The following DPYSL4 variants were observed in gnomAD, a reference collection of about 807,000 sequenced individuals.
DPYSL4 encodes the protein dihydropyrimidinase-related protein 4.
DPYSL4 carries 43 observed loss-of-function variants against 63.4 expected under a neutral mutation model. That is an observed-to-expected ratio of 0.68 (90% CI 0.53 to 0.88). The LOEUF (loss-of-function observed/expected upper bound fraction) is 0.88, where lower values mean the gene tolerates loss of function less well. Among genes scored for constraint, DPYSL4 ranks in the 40% least tolerant of loss-of-function variants. The pLI, the probability that DPYSL4 is intolerant of heterozygous loss-of-function variation, is 0.00. For missense variants in DPYSL4, 733 were observed against 819.5 expected (o/e 0.89, Z 1.29); for synonymous variants, 353 against 331.7 (o/e 1.06, Z -0.70).
intron 3 of DPYSL4, among the ~76,000 whole-genome samples, chr10:132,193,900 G>T (rs2061908103): frequency 6.6e-6 from 1 of 152,244 alleles, no homozygotes; most frequent in African/African-American, 2.4e-5. Context: ...GCCACAAAGG[G>T]AGAAAACACC....
Position 132,203,936 on chromosome 10 carries a change from G to T in DPYSL4, c.1627+9G>T. On this transcript the variant is annotated intron_variant, in intron 13 of 13. Transcript: ENST00000338492. Reference sequence around the variant, plus strand: ...GGGGTTCAGCCTATCTGGTGAGTTGGGCCTGGGGCACCAGTGGGGGTGAGG... The same window carrying T: ...GGGGTTCAGCCTATCTGGTGAGTTGTGCCTGGGGCACCAGTGGGGGTGAGG... 2 of 1,589,960 alleles carry T rather than the reference G, an allele frequency of 1.3e-6. No individual in the cohort carries two copies. The highest frequency in any genetic ancestry group is 4.5e-5 in the East Asian group (2 of 44,240).
chr10:132,201,969 T>C lies in DPYSL4; in HGVS notation c.1134T>C (p.Asn378=). ...KCVASGKMDE[N]EFVAVTSTNA... The stretch of plus-strand genomic sequence containing the variant: ...AGGCCTCTGGGAAGATGGACGAGAA[T>C]GAGTTCGTCGCGGTGACCAGTACAA... The change falls in exon 11 of 14, where the codon AAT becomes AAC. Residue 378 remains asparagine, a synonymous_variant. Coordinates refer to ENST00000338492, the MANE Select transcript of DPYSL4 (RefSeq NM_006426.3). 6.2e-7 allele frequency: 1 copy of C among 1,613,010 alleles called. No homozygotes were observed. The highest frequency in any genetic ancestry group is 8.5e-7 in the Non-Finnish European group (1 of 1,179,784).
chr10:132,188,384 CT>C (rs1186845196), intron 1 of DPYSL4, among the ~76,000 whole-genome samples: 1 of 152,232 alleles, frequency 6.6e-6, no homozygotes, highest in Non-Finnish European at 1.5e-5. Context: ...CTCAAGCCTC[CT>C]TCTGCCCGGT....
At chr10:132,204,360 A>G (rs2062065043) in intron 13 of DPYSL4, among the ~76,000 whole-genome samples, 1 of 152,146 alleles carries the variant, frequency 6.6e-6, no homozygotes, top group Admixed American at 6.5e-5. Context: ...ATACACGAGA[A>G]TGCCTGGGAG....
Position 132,192,818 on chromosome 10 carries a change from C to T in DPYSL4, c.289C>T (p.Leu97=), listed in dbSNP as rs1159098222. 1.2e-6 allele frequency: 2 copies of T among 1,611,696 alleles called. No homozygotes were observed. The highest frequency in any genetic ancestry group is 1.7e-6 in the Non-Finnish European group (2 of 1,179,410). Residue 97 remains leucine, a synonymous_variant, in exon 3 of 14, where the codon CTA becomes TTA. Coordinates refer to ENST00000338492, the MANE Select transcript of DPYSL4 (RefSeq NM_006426.3). ...CTTCTGTCAGGGCACCAAGGCAGCG[C>T]TAGCAGGAGGAACCACCATGATCTG... ...DDFCQGTKAA[L]AGGTTMILDH...
rs199903542 is a variant in DPYSL4, at chr10:132,204,828, C to T, written c.1628-11C>T. On this transcript the variant is annotated splice_polypyrimidine_tract_variant and intron_variant, in intron 13 of 13. Transcript: ENST00000338492. The stretch of plus-strand genomic sequence containing the variant: ...CTCATTCTCCCCTGCCCATCTGTGC[C>T]CTTTCTTCAGGGTCTCAGGCTGATG... The T allele has an allele frequency of 4.1e-5, 66 of 1,602,424 alleles. No homozygotes were observed. Among genetic ancestry groups the T allele is most frequent in the East Asian group, 6.7e-5 (3 of 44,498 alleles).
rs1282986723 is a variant in DPYSL4 at position 132,203,596 on chromosome 10, C to T, written c.1462-166C>T. On this transcript the variant is annotated intron_variant, in intron 12 of 13. Coordinates refer to ENST00000338492, the MANE Select transcript of DPYSL4 (RefSeq NM_006426.3). ...GAGGCGTGTGTGAACTTGGGTTGAGCACCCCCCCAGGGCAGCCCCAAATTC... is the reference window on the plus strand; with the variant it reads ...GAGGCGTGTGTGAACTTGGGTTGAGTACCCCCCCAGGGCAGCCCCAAATTC... The T allele has an allele frequency of 5.4e-5, 34 of 632,174 alleles. No homozygotes were observed. The East Asian group carries it at 8.5e-4, about 16-fold the overall frequency. The allele number at this position is 632,174 out of a possible 1,614,324, so 39.2% of individuals were successfully genotyped here.
intron 8 of DPYSL4, among the ~76,000 whole-genome samples, chr10:132,199,787 A>C (rs2061988654): frequency 6.6e-6 from 1 of 151,936 alleles, no homozygotes; most frequent in Non-Finnish European, 1.5e-5. Context: ...AAGGACTCTG[A>C]GGCGTGCAGG....
At chr10:132,192,892 C>G (rs1288772330) in intron 3 of DPYSL4, 50 bp downstream of exon 3, 2 of 1,533,220 alleles carry the variant, frequency 1.3e-6, no homozygotes, top group African/African-American at 1.4e-5. Context: ...CGTCTGCTGC[C>G]CCTCTCTCTG....
chr10:132,203,673 A>G (rs1275435326), intron 12 of DPYSL4, 89 bp from the exon 13 acceptor site: 2 of 1,273,610 alleles, frequency 1.6e-6, no homozygotes, highest in Admixed American at 2.1e-5. Flanking sequence ...CCAGCTGCCC[A>G]TGCTCAGCCC....
At chr10:132,190,141 C>T (rs955796978) in intron 1 of DPYSL4, among the ~76,000 whole-genome samples, 3 of 152,276 alleles carry the variant, frequency 2.0e-5, no homozygotes, top group African/African-American at 4.8e-5. Context: ...CTGTGCTCTG[C>T]GCATTCGTCA....
chr10:132,199,482 G>A (rs2061984866), intron 8 of DPYSL4, among the ~76,000 whole-genome samples: 1 of 152,006 alleles, frequency 6.6e-6, no homozygotes, highest in Non-Finnish European at 1.5e-5. Context: ...GGGCTCAGAG[G>A]GTCCATGGAG....
In DPYSL4 at chr10:132,191,276, G is replaced by A. The variant is rs550753179; in HGVS notation, c.128+441G>A. Among the ~76,000 whole-genome samples the A allele has an allele frequency of 9.4e-5, 12 of 127,574 alleles. No homozygotes were observed. In the East Asian group the frequency reaches 1.2e-3, roughly 12 times the overall value. The allele number at this position is 127,574 out of a possible 152,430, so 83.7% of individuals were successfully genotyped here. ...CAGCTCGTGTGTACACGCTGGCCAC[G>A]TGGTATCCAGGCAGTTGAAAGTATG... is the stretch of plus-strand genomic sequence containing the variant. On this transcript the variant is annotated intron_variant, in intron 2 of 13. Transcript: ENST00000338492.
chr10:132,187,134 C>T (rs1398336262), intron 1 of DPYSL4, 32 bp downstream of exon 1: 1 of 1,509,112 alleles, frequency 6.6e-7, no homozygotes, highest in Admixed American at 2.0e-5. Flanking sequence ...CCGGCGCCCC[C>T]TGCCCGCCGC....
intron 3 of DPYSL4, among the ~76,000 whole-genome samples, chr10:132,193,060 C>T (rs7915200): frequency 0.016 from 2,416 of 152,220 alleles, 64 homozygotes; most frequent in African/African-American, 0.055. Flanking sequence ...CTGGGATTTC[C>T]AGGACTGGAA....
At chr10:132,192,596 G>T in intron 2 of DPYSL4, 62 bp from the exon 3 acceptor site, 1 of 1,524,306 alleles carries the variant, frequency 6.6e-7, no homozygotes, top group South Asian at 1.3e-5. Context: ...CTGCATTGCT[G>T]GGAGCCCATC....
At chr10:132,196,756 G>C in intron 4 of DPYSL4, 105 bp from the exon 5 acceptor site, 1 of 1,311,094 alleles carries the variant, frequency 7.6e-7, no homozygotes. Flanking sequence ...GCACTGCGGG[G>C]GAGGGGCCCA....
chr10:132,200,210 C>T, intron 8 of DPYSL4, 146 bp from the exon 9 acceptor site: 1 of 1,051,728 alleles, frequency 9.5e-7, no homozygotes, highest in East Asian at 2.6e-5. Context: ...CCACTTCCTG[C>T]CCAGGGCCAG....
At chr10:132,202,268 GA>G in intron 11 of DPYSL4, 152 bp downstream of exon 11, 1 of 1,053,928 alleles carries the variant, frequency 9.5e-7, no homozygotes, top group Non-Finnish European at 1.3e-6. Context: ...TCCCAGGCCA[GA>G]CACTGAAATG....
Sources: allele counts gnomAD v4.1 joint callset (sites outside exome capture counted in the v4.1 genomes callset), GRCh38; gene constraint gnomAD v4.1.1; transcripts MANE v1.5; gene names NCBI Gene and HGNC (gene_info 2026-07-23, HGNC 2026-07-21).